MCTP1: variants seen among roughly 807,000 people sequenced by gnomAD.
The protein encoded by MCTP1 is multiple C2 and transmembrane domain containing 1.
In MCTP1, 69 loss-of-function variants were observed where a neutral mutation model predicts 120.6. That is an observed-to-expected ratio of 0.57 (90% CI 0.47 to 0.70). The LOEUF is 0.70. Ranked by LOEUF, MCTP1 falls within the 30% of genes least tolerant of loss-of-function variation. The probability of loss-of-function intolerance (pLI) is 0.00; values close to 1 mark genes in which losing one functional copy is unlikely to be tolerated. For synonymous variants in MCTP1, 529 were observed against 493.1 expected (o/e 1.07, Z -0.96); for missense variants, 1,203 against 1,248.8 (o/e 0.96, Z 0.55).
chr5:94,978,880 T>C (rs1828749190), intron 2 of MCTP1: 1 of 151,868 alleles, frequency 6.6e-6, no homozygotes, highest in African/African-American at 2.4e-5. Context: ...ATAAATTTTT[T>C]TAAAAAACCA....
chr5:95,027,536 T>C (rs993686193), intron 1 of MCTP1, among the ~76,000 whole-genome samples: 1 of 152,172 alleles, frequency 6.6e-6, no homozygotes, highest in Non-Finnish European at 1.5e-5. Flanking sequence ...ACAGATGCTA[T>C]AATTAGCAGA....
chr5:94,978,237 T>C (rs1828553089), intron 2 of MCTP1, among the ~76,000 whole-genome samples: 2 of 152,196 alleles, frequency 1.3e-5, no homozygotes, highest in South Asian at 4.1e-4. Flanking sequence ...TCTGAACCCT[T>C]GTACACTGTT....
At chr5:94,834,818 T>C (rs1021880987) in intron 17 of MCTP1, among the ~76,000 whole-genome samples, 1 of 148,134 alleles carries the variant, frequency 6.8e-6, no homozygotes, top group Non-Finnish European at 1.5e-5. Context: ...CTCTCTTTTT[T>C]TTTTTTTTTT....
chr5:95,021,331 T>C (rs1488747845), intron 1 of MCTP1, among the ~76,000 whole-genome samples: 2 of 152,070 alleles, frequency 1.3e-5, no homozygotes, highest in Non-Finnish European at 2.9e-5. Flanking sequence ...TCAATAAATG[T>C]TAGCTATTGT....
At chr5:94,948,409 A>C (rs1270803210) in intron 3 of MCTP1, among the ~76,000 whole-genome samples, 1 of 152,198 alleles carries the variant, frequency 6.6e-6, no homozygotes, top group African/African-American at 2.4e-5. Flanking sequence ...TTTGCCCACA[A>C]TCCAAAAGCA....
intron 1 of MCTP1, among the ~76,000 whole-genome samples, chr5:95,223,254 C>T (rs554559927): frequency 6.6e-6 from 1 of 152,030 alleles, no homozygotes; most frequent in Non-Finnish European, 1.5e-5. Flanking sequence ...GAGTTTGAGA[C>T]CAGCCTGAGC....
intron 19 of MCTP1, among the ~76,000 whole-genome samples, chr5:94,765,790 A>G (rs76402874): frequency 1.8e-3 from 274 of 151,806 alleles, no homozygotes; most frequent in African/African-American, 6.5e-3. Context: ...GGTTTTTTTG[A>G]AAAGATAAAA....
chr5:94,940,398 T>C (rs1817295545), intron 4 of MCTP1, among the ~76,000 whole-genome samples: 1 of 71,912 alleles, frequency 1.4e-5, no homozygotes, highest in African/African-American at 5.5e-5. Flanking sequence ...GATGAATTTC[T>C]GCTTTCTAAA....
intron 19 of MCTP1, among the ~76,000 whole-genome samples, chr5:94,721,864 T>G (rs1443325424): frequency 6.7e-6 from 1 of 148,768 alleles, no homozygotes; most frequent in Non-Finnish European, 1.5e-5. Context: ...TTTTAATGCA[T>G]TATTAAGGTT....
intron 17 of MCTP1, among the ~76,000 whole-genome samples, chr5:94,815,504 A>G (rs78442622): frequency 0.011 from 1,730 of 152,228 alleles, 41 homozygotes; most frequent in African/African-American, 0.039. Flanking sequence ...TAAGTGCATG[A>G]CACTGGGCGA....
At chr5:94,891,548 G>T (rs1218724941) in intron 11 of MCTP1, among the ~76,000 whole-genome samples, 2 of 152,066 alleles carry the variant, frequency 1.3e-5, no homozygotes, top group Non-Finnish European at 2.9e-5. Context: ...CAGTCCTTAT[G>T]TCTGAGAATC....
chr5:94,872,461 T>C (rs1798004076), intron 13 of MCTP1, among the ~76,000 whole-genome samples: 2 of 151,912 alleles, frequency 1.3e-5, no homozygotes, highest in African/African-American at 4.8e-5. Flanking sequence ...CAGTTTTTCA[T>C]ATACAAAAAA....
At chr5:94,894,858 A>C in intron 10 of MCTP1, 23 bp from the exon 11 acceptor site, 1 of 1,424,706 alleles carries the variant, frequency 7.0e-7, no homozygotes, top group Non-Finnish European at 9.3e-7. Context: ...GTTTTGAATC[A>C]GCAAGTGGCT....
rs1475531706 is a variant in MCTP1, at chr5:95,001,128, CAA to C, written c.838+16237_838+16238del. Among the ~76,000 whole-genome samples, 6 of 152,338 alleles carry C rather than the reference CAA, an allele frequency of 3.9e-5. No homozygotes were observed. In the East Asian group the frequency reaches 1.2e-3, roughly 29 times the overall value. The stretch of plus-strand genomic sequence containing the variant: ...ACTCATTTTCTCTCCTGCCACCCTG[CAA>C]AGAGGCACCTTGTGCCATGATTGTA... On this transcript the variant is annotated intron_variant, in intron 2 of 22. Transcript: ENST00000515393.
chr5:94,964,998 T>C (rs920688353), intron 2 of MCTP1, among the ~76,000 whole-genome samples: 3 of 152,254 alleles, frequency 2.0e-5, no homozygotes, highest in Non-Finnish European at 4.4e-5. Context: ...AGTATTAGAA[T>C]AATAACTATT....
intron 1 of MCTP1, among the ~76,000 whole-genome samples, chr5:95,029,295 A>G (rs1839863930): frequency 6.6e-6 from 1 of 152,190 alleles, no homozygotes; most frequent in Non-Finnish European, 1.5e-5. Flanking sequence ...AGACATGGAC[A>G]CAAAGCCTAG....
chr5:95,056,117 A>G (rs1237542715), intron 1 of MCTP1, among the ~76,000 whole-genome samples: 1 of 152,220 alleles, frequency 6.6e-6, no homozygotes, highest in African/African-American at 2.4e-5. Context: ...AGCAAATTAT[A>G]CATGACTTGG....
intron 1 of MCTP1, among the ~76,000 whole-genome samples, chr5:95,126,558 C>G (rs757771003): frequency 2.6e-5 from 4 of 152,156 alleles, no homozygotes; most frequent in East Asian, 3.8e-4. Flanking sequence ...ATAAACACCC[C>G]CTGTGTGCAC....
chr5:95,155,950 A>G (rs543049528), intron 1 of MCTP1, among the ~76,000 whole-genome samples: 1 of 152,318 alleles, frequency 6.6e-6, no homozygotes, highest in South Asian at 2.1e-4. Flanking sequence ...CTTTGAAGAC[A>G]TAAGCTCCCA....
Sources: gnomAD v4.1 joint callset for allele counts (sites outside exome capture counted in the v4.1 genomes callset) on GRCh38, gnomAD v4.1.1 for gene constraint, MANE v1.5 for transcripts, NCBI Gene and HGNC (gene_info 2026-07-23, HGNC 2026-07-21) for gene names.